Variants in FLYWCH1 observed in about 807,000 individuals in gnomAD.
FLYWCH1 encodes FLYWCH-type zinc finger-containing protein 1.
Under a neutral mutation model 66.4 loss-of-function variants are expected in FLYWCH1, and 75 were observed. The ratio of observed to expected loss-of-function variants is 1.13; its 90% CI spans 0.94 to 1.37. The LOEUF is 1.37. FLYWCH1 is among the 40% of genes most tolerant of loss of function. The pLI is 0.00. For missense variants in FLYWCH1, 1,334 were observed against 1,001.8 expected, an observed-to-expected ratio of 1.33 and a Z score of -4.48; for synonymous variants, 595 against 429.9, an observed-to-expected ratio of 1.38 and a Z score of -4.75.
intron 7 of FLYWCH1, 77 bp downstream of exon 7, chr16:2,937,461 C>T (rs1015366313): frequency 1.0e-5 from 15 of 1,438,680 alleles, no homozygotes; most frequent in Middle Eastern, 2.6e-4. Context: ...GGAGGCTGCC[C>T]GTGGGGTGTT....
rs183775475 is a variant in FLYWCH1, at chr16:2,913,949, A to G, written c.-187-227A>G. Among the ~76,000 whole-genome samples, 298 of 152,252 alleles carry G rather than the reference A, an allele frequency of 2.0e-3. 2 individuals are homozygous for G. The highest frequency in any genetic ancestry group is 6.6e-3 in the African/African-American group (273 of 41,536). ...GGTCTCGAACTCCTGGGCTCAAACA[A>G]TTCTCTCACCTGAGCCTCCCAAACT... On this transcript the variant is annotated intron_variant, in intron 1 of 9. Coordinates refer to ENST00000253928, the MANE Select transcript of FLYWCH1 (RefSeq NM_001308068.2).
At chr16:2,932,627 G>C (rs1476403772) in intron 4 of FLYWCH1, among the ~76,000 whole-genome samples, 1 of 152,156 alleles carries the variant, frequency 6.6e-6, no homozygotes, top group African/African-American at 2.4e-5. Context: ...GGAACAGGGA[G>C]ACTTATTTTT....
intron 7 of FLYWCH1, among the ~76,000 whole-genome samples, 191 bp from the exon 8 acceptor site, chr16:2,937,993 C>T (rs2071088557): frequency 6.6e-6 from 1 of 152,158 alleles, no homozygotes; most frequent in Non-Finnish European, 1.5e-5. Context: ...TCCCCAGAGC[C>T]CTTGGAAAGG....
chr16:2,912,731 C>A (rs1308055671), intron 1 of FLYWCH1, among the ~76,000 whole-genome samples: 1 of 152,168 alleles, frequency 6.6e-6, no homozygotes, highest in East Asian at 1.9e-4. Context: ...TCTCTTCCAC[C>A]CCGTTCCAAA....
chr16:2,945,762 C>A (rs904538099), intron 9 of FLYWCH1, among the ~76,000 whole-genome samples: 2 of 152,032 alleles, frequency 1.3e-5, no homozygotes, highest in Non-Finnish European at 2.9e-5. Flanking sequence ...CTTTGGGAGG[C>A]CAAGGTGGGC....
At chr16:2,942,971 G>C (rs556369283) in intron 9 of FLYWCH1, among the ~76,000 whole-genome samples, 1 of 151,568 alleles carries the variant, frequency 6.6e-6, no homozygotes, top group Non-Finnish European at 1.5e-5. Flanking sequence ...TAAAGTGCTG[G>C]GATTACAGGC....
chr16:2,936,405 C>T (rs1247253807), intron 6 of FLYWCH1: 2 of 456,250 alleles, frequency 4.4e-6, no homozygotes, highest in Middle Eastern at 3.3e-4. Flanking sequence ...CCCTGCCCAG[C>T]CCTCTCCATC....
Position 2,938,447 on chromosome 16 carries a change from G to T in FLYWCH1, c.2041G>T (p.Glu681Ter). Residue 681 changes from glutamate to a stop codon, truncating the protein, a stop_gained, in exon 8 of 10, where the codon GAG becomes TAG. Transcript: ENST00000253928. LOFTEE classifies it high-confidence loss of function. Reference protein sequence around the residue: ...RERLPTTAQQEDPEKIQVQLC... With the variant: ...RERLPTTAQQ Reference sequence around the variant, plus strand: ...GCGGCTCCCCACCACGGCCCAGCAGGAGGACCCAGGTACAGGCAGGCTGTG... The same window carrying T: ...GCGGCTCCCCACCACGGCCCAGCAGTAGGACCCAGGTACAGGCAGGCTGTG... 6.6e-7 allele frequency: 1 copy of T among 1,524,394 alleles called. No homozygotes were observed. 94.4% of individuals were successfully genotyped at this position (1,524,394 alleles called of 1,614,324 possible).
At chr16:2,927,441 C>T (rs1315500023) in intron 2 of FLYWCH1, among the ~76,000 whole-genome samples, 1 of 152,136 alleles carries the variant, frequency 6.6e-6, no homozygotes, top group Non-Finnish European at 1.5e-5. Flanking sequence ...ACAATATGGA[C>T]CCAACTCACC....
At chr16:2,936,487 C>A (rs2071006835) in intron 6 of FLYWCH1, 1 of 445,792 alleles carries the variant, frequency 2.2e-6, no homozygotes, top group African/African-American at 2.0e-5. Context: ...GCTTGCTACC[C>A]ACCCCCATCC....
chr16:2,947,786 C>G (rs561538394), intron 9 of FLYWCH1, among the ~76,000 whole-genome samples: 108 of 147,762 alleles, frequency 7.3e-4, no homozygotes, highest in Non-Finnish European at 1.4e-3. Context: ...AAAAAAATCC[C>G]TTACAGTACT....
chr16:2,930,901 TG>T lies in FLYWCH1; in HGVS notation c.796+22del, dbSNP rs201539685. 2,365 of 1,554,130 alleles carry T rather than the reference TG, an allele frequency of 1.5e-3. 27 individuals carry two copies. In the African/African-American group the frequency reaches 0.027, roughly 18 times the overall value. On this transcript the variant is annotated intron_variant, in intron 4 of 9. Transcript: ENST00000253928. The stretch of plus-strand genomic sequence containing the variant: ...GCTGGGTGAGTACAATCCACTCCCC[TG>T]CTGCGTCCACTCGGGGCAGGGGACC...
rs1239324065 is a variant in FLYWCH1, at chr16:2,948,775, ACATCCACACAGGCACTTCC to A, written c.*56_*74del. On this transcript the variant is annotated 3_prime_UTR_variant, in exon 10 of 10. Coordinates refer to ENST00000253928, the MANE Select transcript of FLYWCH1 (RefSeq NM_001308068.2). ...CGAGCCGCCCACCCAAGGTGGCTTC[ACATCCACACAGGCACTTCC>A]CATCCACCTAGGTTTGGCTTAGCAG... is the stretch of plus-strand genomic sequence containing the variant. The A allele has an allele frequency of 1.4e-5, 22 of 1,570,284 alleles. No individual in the cohort carries two copies. Among genetic ancestry groups the A allele is most frequent in the East Asian group, 6.7e-5 (3 of 44,720 alleles).
intron 6 of FLYWCH1, chr16:2,934,590 A>G (rs1044435662): frequency 4.4e-6 from 2 of 455,040 alleles, no homozygotes; most frequent in Non-Finnish European, 8.8e-6. Flanking sequence ...TCCTCCACTC[A>G]CCTGCTCTTC....
At chr16:2,918,848 G>T (rs919052517) in intron 2 of FLYWCH1, among the ~76,000 whole-genome samples, 1 of 152,234 alleles carries the variant, frequency 6.6e-6, no homozygotes, top group South Asian at 2.1e-4. Context: ...TTGAGGGCTA[G>T]AACGTAGTGT....
At chr16:2,919,497 C>G (rs1174380545) in intron 2 of FLYWCH1, among the ~76,000 whole-genome samples, 1 of 151,324 alleles carries the variant, frequency 6.6e-6, no homozygotes, top group African/African-American at 2.4e-5. Context: ...ATCTCTTGAC[C>G]TCGTGATCCG....
chr16:2,917,139 G>C (rs1191368610), intron 2 of FLYWCH1, among the ~76,000 whole-genome samples: 1 of 147,856 alleles, frequency 6.8e-6, no homozygotes, highest in African/African-American at 2.5e-5. Flanking sequence ...CCAGGTGAAA[G>C]AGCGAAACTC....
intron 1 of FLYWCH1, among the ~76,000 whole-genome samples, chr16:2,912,592 T>C (rs1349331744): frequency 1.3e-5 from 2 of 152,180 alleles, no homozygotes; most frequent in African/African-American, 4.8e-5. Context: ...CAGCCGACAC[T>C]GAGAAATGCC....
chr16:2,923,152 C>T (rs1286042426), intron 2 of FLYWCH1: 8 of 378,334 alleles, frequency 2.1e-5, no homozygotes, highest in South Asian at 8.9e-5. Flanking sequence ...TCAACGCTGC[C>T]GCCTTGGCCT....
Sources: allele counts gnomAD v4.1 joint callset (sites outside exome capture counted in the v4.1 genomes callset), GRCh38; gene constraint gnomAD v4.1.1; transcripts MANE v1.5; gene names NCBI Gene and HGNC (gene_info 2026-07-23, HGNC 2026-07-21).